The following TXN variants were observed in gnomAD, a reference collection of about 807,000 sequenced individuals.
TXN encodes the protein thioredoxin.
In TXN, 10 loss-of-function variants were observed where a neutral mutation model predicts 16.5. That is an observed-to-expected ratio of 0.61 (90% CI 0.37 to 1.03). The LOEUF (loss-of-function observed/expected upper bound fraction) is 1.03, where lower values mean the gene tolerates loss of function less well. Among genes scored for constraint, TXN ranks in the 50% least tolerant of loss-of-function variants. The probability of loss-of-function intolerance (pLI) is 0.01; values close to 1 mark genes in which losing one functional copy is unlikely to be tolerated. For missense variants in TXN, 71 were observed against 122.5 expected (o/e 0.58, Z 1.98); for synonymous variants, 35 against 39.4 (o/e 0.89, Z 0.42).
intron 3 of TXN, among the ~76,000 whole-genome samples, chr9:110,249,059 A>G (rs1469499287): frequency 7.1e-6 from 1 of 141,566 alleles, no homozygotes; most frequent in African/African-American, 2.6e-5. Flanking sequence ...CCCGGGAGGC[A>G]GAGGTTGCAG....
intron 1 of TXN, among the ~76,000 whole-genome samples, chr9:110,253,490 G>T (rs1837767553): frequency 6.6e-6 from 1 of 152,092 alleles, no homozygotes; most frequent in African/African-American, 2.4e-5. Flanking sequence ...CAAGATCCAG[G>T]TAAGACAGGA....
chr9:110,250,454 C>T (rs1837718404), intron 3 of TXN, among the ~76,000 whole-genome samples: 1 of 152,168 alleles, frequency 6.6e-6, no homozygotes, highest in Non-Finnish European at 1.5e-5. Flanking sequence ...CACAAAGAGC[C>T]CTACAAGCGG....
intron 3 of TXN, among the ~76,000 whole-genome samples, chr9:110,245,637 TATATATATATATATA>T (rs1837643061): frequency 7.1e-5 from 2 of 28,240 alleles, no homozygotes; most frequent in African/African-American, 3.3e-4. Flanking sequence ...TATATATATA[TATATATATATATATA>T]TATTTTTTTT....
chr9:110,244,034 T>G lies in TXN; in HGVS notation c.*123A>C, dbSNP rs1249184995. 7.5e-6 allele frequency: 3 copies of G among 400,880 alleles called. No individual in the cohort carries two copies. Among genetic ancestry groups the G allele is most frequent in the Non-Finnish European group, 1.3e-5 (3 of 226,158 alleles). 24.8% of individuals were successfully genotyped at this position (400,880 alleles called of 1,614,324 possible). A position where few individuals can be genotyped will look rare whatever the true frequency, so the allele number is the denominator to read the frequency against. On this transcript the variant is annotated 3_prime_UTR_variant, in exon 5 of 5. Coordinates refer to ENST00000374517, the MANE Select transcript of TXN (RefSeq NM_003329.4). ...GAGACGGTTTTAAAAAGTGTTAGCA[T>G]TAATGTTTTATTGTCACGCAGATGG...
At chr9:110,247,827 G>C (rs557172068) in intron 3 of TXN, among the ~76,000 whole-genome samples, 1 of 152,142 alleles carries the variant, frequency 6.6e-6, no homozygotes, top group East Asian at 1.9e-4. Context: ...AACAGGCTCA[G>C]GCAGGCCCTT....
chr9:110,243,882 G>GTAGCAATA lies in TXN; in HGVS notation c.*267_*274dup, dbSNP rs541862581. 3.2e-3 allele frequency: 602 copies of GTAGCAATA among 189,640 alleles called. 2 individuals carry two copies. The highest frequency in any genetic ancestry group is 5.1e-3 in the Non-Finnish European group (473 of 92,484). 11.7% of individuals were successfully genotyped at this position (189,640 alleles called of 1,614,324 possible). A position where few individuals can be genotyped will look rare whatever the true frequency, so the allele number is the denominator to read the frequency against. ...GAGATTTTTGTAGCAATACATTAAG[G>GTAGCAATA]TAGCAATAATAATTTTTAAAATCTT... On this transcript the variant is annotated 3_prime_UTR_variant, in exon 5 of 5. Transcript: ENST00000374517.
chr9:110,254,067 C>T (rs538777886), intron 1 of TXN, among the ~76,000 whole-genome samples: 19 of 152,098 alleles, frequency 1.2e-4, no homozygotes, highest in Non-Finnish European at 2.4e-4. Context: ...GTGTTTATTT[C>T]TTCCTCATCA....
chr9:110,255,865 C>T (rs1837802595), intron 1 of TXN, among the ~76,000 whole-genome samples: 1 of 152,234 alleles, frequency 6.6e-6, no homozygotes, highest in African/African-American at 2.4e-5. Flanking sequence ...GAGATCACTA[C>T]CCCCGCTGCG....
rs764811535 is a variant in TXN at position 110,244,727 on chromosome 9, T to C, written c.255+51A>G. On this transcript the variant is annotated intron_variant, in intron 4 of 4. Transcript: ENST00000374517. ...ATCACTCCAGTGATTTATTCACTTA[T>C]ACTGGGTTTCCTATTGCCCAGTTAG... The C allele has an allele frequency of 4.2e-6, 6 of 1,437,212 alleles. No individual in the cohort carries two copies. In the Admixed American group the frequency reaches 5.0e-5, roughly 12 times the overall value. The allele number at this position is 1,437,212 out of a possible 1,614,324, so 89.0% of individuals were successfully genotyped here.
intron 3 of TXN, among the ~76,000 whole-genome samples, chr9:110,245,654 A>ATATATATATATAT (rs1232332404): frequency 1.4e-3 from 31 of 21,780 alleles, no homozygotes; most frequent in Non-Finnish European, 2.2e-3. Flanking sequence ...ATATATATAT[A>ATATATATATATAT]TTTTTTTTTT....
At chr9:110,247,781 C>A (rs926640812) in intron 3 of TXN, among the ~76,000 whole-genome samples, 1 of 152,084 alleles carries the variant, frequency 6.6e-6, no homozygotes, top group African/African-American at 2.4e-5. Flanking sequence ...TTAGAGTGTA[C>A]TCCTACTTAT....
chr9:110,251,312 C>CA (rs756707534), intron 2 of TXN, 46 bp downstream of exon 2: 12 of 1,471,884 alleles, frequency 8.2e-6, no homozygotes, highest in African/African-American at 1.4e-5. Flanking sequence ...ACCACCAACT[C>CA]AAAAAACACA....
intron 3 of TXN, among the ~76,000 whole-genome samples, chr9:110,248,035 T>C (rs1397403064): frequency 6.6e-6 from 1 of 152,094 alleles, no homozygotes; most frequent in African/African-American, 2.4e-5. Flanking sequence ...AAAGTCTTTT[T>C]AAAAAAAGCT....
At chr9:110,247,524 G>T (rs1284857157) in intron 3 of TXN, among the ~76,000 whole-genome samples, 1 of 152,090 alleles carries the variant, frequency 6.6e-6, no homozygotes, top group Non-Finnish European at 1.5e-5. Flanking sequence ...CTCTCACCTA[G>T]TGATGGGTTA....
intron 1 of TXN, among the ~76,000 whole-genome samples, chr9:110,252,954 C>T (rs1197126456): frequency 6.6e-6 from 1 of 151,992 alleles, no homozygotes; most frequent in Non-Finnish European, 1.5e-5. Context: ...GCTGACCAAA[C>T]CCAAAAACCA....
intron 3 of TXN, among the ~76,000 whole-genome samples, chr9:110,249,580 G>T (rs1337706910): frequency 6.6e-6 from 1 of 152,140 alleles, no homozygotes; most frequent in Non-Finnish European, 1.5e-5. Context: ...TGAAGCTCAT[G>T]ACAAGGAGTT....
chr9:110,251,334 A>T, intron 2 of TXN, 24 bp downstream of exon 2: 1 of 1,535,146 alleles, frequency 6.5e-7, no homozygotes, highest in Non-Finnish European at 9.0e-7. Flanking sequence ...ATCTCTTACA[A>T]AGCAGACATT....
intron 1 of TXN, among the ~76,000 whole-genome samples, chr9:110,252,277 T>C (rs1288734050): frequency 6.9e-6 from 1 of 145,786 alleles, no homozygotes. Flanking sequence ...CATTTGTCTA[T>C]GGTGGACCAT....
intron 1 of TXN, among the ~76,000 whole-genome samples, chr9:110,253,015 T>TAA (rs138485532): frequency 0.01 from 1,527 of 152,090 alleles, 17 homozygotes; most frequent in Non-Finnish European, 0.017. Flanking sequence ...ATCTGAAATC[T>TAA]AGGTTTTCTT....
Sources: gnomAD v4.1 joint callset for allele counts (sites outside exome capture counted in the v4.1 genomes callset) on GRCh38, gnomAD v4.1.1 for gene constraint, MANE v1.5 for transcripts, NCBI Gene and HGNC (gene_info 2026-07-23, HGNC 2026-07-21) for gene names.